SNX25: variants seen among roughly 807,000 people sequenced by gnomAD.
SNX25 encodes sorting nexin 25, also known as sorting nexin-25.
In SNX25, 62 loss-of-function variants were observed where a neutral mutation model predicts 113.7. That is an observed-to-expected ratio of 0.55 (90% CI 0.44 to 0.67). The LOEUF is 0.67. Among genes scored for constraint, SNX25 ranks in the 30% least tolerant of loss-of-function variants. The probability of loss-of-function intolerance (pLI) is 0.00; values close to 1 mark genes in which losing one functional copy is unlikely to be tolerated. For missense variants in SNX25, 1,014 were observed against 1,161.0 expected (o/e 0.87, Z 1.84); for synonymous variants, 421 against 436.2 (o/e 0.97, Z 0.43).
intron 3 of SNX25, among the ~76,000 whole-genome samples, chr4:185,260,147 T>A (rs996384198): frequency 3.9e-5 from 6 of 151,952 alleles, no homozygotes; most frequent in Admixed American, 1.3e-4. Flanking sequence ...AACGTTTTTT[T>A]AAAAATAATG....
At chr4:185,219,304 A>C (rs1739408138) in intron 1 of SNX25, among the ~76,000 whole-genome samples, 1 of 152,170 alleles carries the variant, frequency 6.6e-6, no homozygotes, top group Non-Finnish European at 1.5e-5. Flanking sequence ...TCACACCTGT[A>C]ATCTCAGAAC....
intron 1 of SNX25, among the ~76,000 whole-genome samples, chr4:185,235,940 G>C (rs1742557495): frequency 6.6e-6 from 1 of 152,156 alleles, no homozygotes; most frequent in African/African-American, 2.4e-5. Flanking sequence ...TGATAAACCA[G>C]AGCCGCTTGT....
chr4:185,353,185 C>A (rs2095324029), intron 14 of SNX25: 2 of 218,848 alleles, frequency 9.1e-6, no homozygotes, highest in East Asian at 9.6e-5. Flanking sequence ...AAGTTAAAAG[C>A]CTTAGTTTTG....
At chr4:185,287,940 A>C in intron 5 of SNX25, 72 bp from the exon 6 acceptor site, 1 of 1,212,056 alleles carries the variant, frequency 8.3e-7, no homozygotes. Context: ...GTATAAATAC[A>C]GTCTAAAGTT....
chr4:185,295,432 A>G (rs535044683), intron 6 of SNX25, among the ~76,000 whole-genome samples: 86 of 150,926 alleles, frequency 5.7e-4, no homozygotes, highest in African/African-American at 2.0e-3. Flanking sequence ...TGTTCCATAT[A>G]AAGATGTTTC....
chr4:185,288,948 G>A (rs1406800005), intron 6 of SNX25, among the ~76,000 whole-genome samples: 2 of 152,288 alleles, frequency 1.3e-5, no homozygotes, highest in Admixed American at 6.5e-5. Flanking sequence ...AAAAGAACGG[G>A]GAAGAGTTGG....
chr4:185,212,491 G>GTTTT (rs61204525), intron 1 of SNX25, among the ~76,000 whole-genome samples: 2 of 104,944 alleles, frequency 1.9e-5, no homozygotes, highest in African/African-American at 7.4e-5. Flanking sequence ...GTGTGTGTGT[G>GTTTT]TTTTTTTTTT....
chr4:185,365,729 G>A (rs1472010090), downstream of SNX25: 1 of 151,162 alleles, frequency 6.6e-6, no homozygotes, highest in African/African-American at 2.4e-5. Context: ...TTTAGGAACT[G>A]GATTAAGTGT....
At chr4:185,339,240 A>T in intron 10 of SNX25, 139 bp from the exon 11 acceptor site, 1 of 669,352 alleles carries the variant, frequency 1.5e-6, no homozygotes, top group Non-Finnish European at 2.3e-6. Context: ...TTTTTTTCTT[A>T]ATTTTGTTTT....
chr4:185,284,762 T>C (rs1225885306), intron 5 of SNX25, among the ~76,000 whole-genome samples: 1 of 151,914 alleles, frequency 6.6e-6, no homozygotes, highest in Non-Finnish European at 1.5e-5. Context: ...GGAGAGAGGA[T>C]TGAAGTCAGG....
intron 5 of SNX25, among the ~76,000 whole-genome samples, chr4:185,285,236 A>G (rs1751181094): frequency 6.6e-6 from 1 of 152,192 alleles, no homozygotes; most frequent in Admixed American, 6.5e-5. Flanking sequence ...ATCTATTTTC[A>G]TGTAATCTTT....
At chr4:185,272,491 A>G (rs1383213183) in intron 5 of SNX25, among the ~76,000 whole-genome samples, 1 of 152,182 alleles carries the variant, frequency 6.6e-6, no homozygotes, top group African/African-American at 2.4e-5. Context: ...GTGCATTTGT[A>G]AACTGTGTGC....
At chr4:185,320,985 TACTG>T (rs1676465814) in intron 8 of SNX25, 121 bp downstream of exon 8, 1 of 794,906 alleles carries the variant, frequency 1.3e-6, no homozygotes, top group East Asian at 3.1e-5. Context: ...CCAAATATAA[TACTG>T]ACATTATGTT....
upstream of SNX25, among the ~76,000 whole-genome samples, chr4:185,208,650 C>T (rs1228220606): frequency 6.6e-6 from 1 of 151,922 alleles, no homozygotes; most frequent in Admixed American, 6.6e-5. Context: ...ATGGCTTGAA[C>T]CCAGGAAGCA....
intron 7 of SNX25, among the ~76,000 whole-genome samples, chr4:185,316,119 A>G (rs1579757256): frequency 6.6e-6 from 1 of 152,336 alleles, no homozygotes; most frequent in Admixed American, 6.5e-5. Flanking sequence ...CCAGTTGAGA[A>G]TCACTGCTAA....
intron 1 of SNX25, among the ~76,000 whole-genome samples, chr4:185,221,438 A>G (rs902404625): frequency 9.9e-5 from 15 of 152,072 alleles, no homozygotes; most frequent in Non-Finnish European, 1.6e-4. Context: ...GCCTCCCAGA[A>G]TGTTGGATTA....
intron 15 of SNX25, among the ~76,000 whole-genome samples, chr4:185,355,019 C>T (rs1249523796): frequency 3.3e-5 from 5 of 152,220 alleles, no homozygotes; most frequent in African/African-American, 4.8e-5. Context: ...ACCAGTTGGT[C>T]TTACATAGGA....
At chr4:185,208,467 C>T (rs976155474), upstream of SNX25, among the ~76,000 whole-genome samples, 2 of 151,982 alleles carry the variant, frequency 1.3e-5, no homozygotes, top group Admixed American at 1.3e-4. Context: ...CGGTGGCTTA[C>T]ACCTATAATC....
intron 1 of SNX25, among the ~76,000 whole-genome samples, chr4:185,214,956 C>T (rs558191330): frequency 3.3e-5 from 5 of 152,262 alleles, no homozygotes; most frequent in Admixed American, 6.5e-5. Context: ...ATGGGCCTGG[C>T]GCGGTGTCTC....
Sources: allele counts gnomAD v4.1 joint callset (sites outside exome capture counted in the v4.1 genomes callset), GRCh38; gene constraint gnomAD v4.1.1; transcripts MANE v1.5; gene names NCBI Gene and HGNC (gene_info 2026-07-23, HGNC 2026-07-21).